The following SORCS2 variants were observed in gnomAD, a reference collection of about 807,000 sequenced individuals.
SORCS2 encodes sortilin related VPS10 domain containing receptor 2.
Under a neutral mutation model 141.6 loss-of-function variants are expected in SORCS2, and 100 were observed. The ratio of observed to expected loss-of-function variants is 0.71; its 90% CI spans 0.60 to 0.83. The LOEUF (loss-of-function observed/expected upper bound fraction) is 0.83, where lower values mean the gene tolerates loss of function less well. Ranked by LOEUF, SORCS2 falls within the 40% of genes least tolerant of loss-of-function variation. The probability of loss-of-function intolerance (pLI) is 0.00; values close to 1 mark genes in which losing one functional copy is unlikely to be tolerated. For missense variants in SORCS2, 1,646 were observed against 1,560.2 expected (o/e 1.05, Z -0.93); for synonymous variants, 789 against 676.9 (o/e 1.17, Z -2.57).
At chr4:7,348,460 C>T (rs1720760600) in intron 1 of SORCS2, among the ~76,000 whole-genome samples, 1 of 152,192 alleles carries the variant, frequency 6.6e-6, no homozygotes, top group African/African-American at 2.4e-5. Flanking sequence ...CATCAGCCTC[C>T]ACTTTATAGA....
At chr4:7,363,338 T>TATC (rs1452369310) in intron 1 of SORCS2, among the ~76,000 whole-genome samples, 1 of 147,772 alleles carries the variant, frequency 6.8e-6, no homozygotes, top group Non-Finnish European at 1.5e-5. Flanking sequence ...CCATCAATAC[T>TATC]ATCACCACCA....
At chr4:7,649,954 A>T (rs1307319385) in intron 4 of SORCS2, among the ~76,000 whole-genome samples, 4 of 152,180 alleles carry the variant, frequency 2.6e-5, no homozygotes, top group African/African-American at 7.2e-5. Flanking sequence ...CCTCAGAGCC[A>T]GCAGATGTGG....
intron 1 of SORCS2, among the ~76,000 whole-genome samples, chr4:7,293,435 T>G (rs958805873): frequency 5.3e-5 from 8 of 152,208 alleles, no homozygotes; most frequent in Non-Finnish European, 1.5e-5. Context: ...TGGCTTTGTA[T>G]AGCAGCCTAC....
intron 14 of SORCS2, among the ~76,000 whole-genome samples, chr4:7,710,611 T>G (rs1211125462): frequency 6.6e-6 from 1 of 152,046 alleles, no homozygotes; most frequent in East Asian, 1.9e-4. Context: ...GTGTGTTGAG[T>G]TGGGGCTCTC....
chr4:7,291,987 G>C (rs1716631564), intron 1 of SORCS2, among the ~76,000 whole-genome samples: 2 of 152,354 alleles, frequency 1.3e-5, no homozygotes, highest in South Asian at 4.1e-4. Flanking sequence ...ATGGTGTAGG[G>C]AGATGGTGCT....
At chr4:7,302,126 C>G (rs979718634) in intron 1 of SORCS2, among the ~76,000 whole-genome samples, 1 of 152,232 alleles carries the variant, frequency 6.6e-6, no homozygotes, top group Non-Finnish European at 1.5e-5. Flanking sequence ...CTCACTAGTT[C>G]TTGTCTCTGG....
chr4:7,576,761 A>G (rs905470085), intron 3 of SORCS2, among the ~76,000 whole-genome samples: 4 of 152,178 alleles, frequency 2.6e-5, no homozygotes, highest in Non-Finnish European at 4.4e-5. Context: ...TCTGTCATAG[A>G]CAGCAAAGGG....
Position 7,715,325 on chromosome 4 carries a change from C to G in SORCS2, c.2252+14C>G, listed in dbSNP as rs138601427. The G allele has an allele frequency of 1.2e-6, 2 of 1,612,820 alleles. No individual in the cohort carries two copies. The highest frequency in any genetic ancestry group is 1.7e-6 in the Non-Finnish European group (2 of 1,179,046). On this transcript the variant is annotated intron_variant, in intron 17 of 26. Transcript: ENST00000507866. ...CAGCAGCCTTGGGTGAGTGTGGGTG[C>G]GGGCCTCTCCCTGCCTAAATCCGGG...
intron 2 of SORCS2, among the ~76,000 whole-genome samples, chr4:7,502,716 T>C (rs542308845): frequency 1.3e-5 from 2 of 152,092 alleles, no homozygotes; most frequent in Non-Finnish European, 2.9e-5. Context: ...AAGGTTCCAA[T>C]CTAAAGCCAG....
At position 7,715,433 on chromosome 4, in the gene SORCS2, G is replaced by C. The variant is rs1372797100; in HGVS notation, c.2252+122G>C. The C allele has an allele frequency of 1.9e-5, 27 of 1,438,038 alleles. No homozygotes were observed. In the East Asian group the frequency reaches 5.6e-4, roughly 30 times the overall value. 89.1% of individuals were successfully genotyped at this position (1,438,038 alleles called of 1,614,324 possible). A position where few individuals can be genotyped will look rare whatever the true frequency, so the allele number is the denominator to read the frequency against. On this transcript the variant is annotated intron_variant, in intron 17 of 26. Transcript: ENST00000507866. ...CAACTCCCAAGTGGAGTCGGGGAAA[G>C]AGAGGTCAAAGTTGAGGATGCCCCA...
intron 2 of SORCS2, among the ~76,000 whole-genome samples, chr4:7,454,040 C>A: frequency 1.2e-5 from 1 of 85,226 alleles, no homozygotes; most frequent in East Asian, 3.8e-4. Context: ...GTGTTGGGGC[C>A]AGGCACTGTG....
At chr4:7,636,286 C>T (rs1720248637) in intron 3 of SORCS2, among the ~76,000 whole-genome samples, 1 of 152,244 alleles carries the variant, frequency 6.6e-6, no homozygotes, top group Admixed American at 6.5e-5. Context: ...TCCGGTACAG[C>T]CACAACTGCT....
intron 20 of SORCS2, among the ~76,000 whole-genome samples, chr4:7,726,211 A>C (rs1459831693): frequency 2.0e-5 from 3 of 152,226 alleles, no homozygotes; most frequent in Admixed American, 2.0e-4. Context: ...ATGGGAGATC[A>C]CATGGGCAGG....
intron 3 of SORCS2, among the ~76,000 whole-genome samples, chr4:7,618,966 C>T (rs966719771): frequency 6.6e-6 from 1 of 152,098 alleles, no homozygotes; most frequent in Non-Finnish European, 1.5e-5. Flanking sequence ...CCCATAGGTC[C>T]TCGGAAGCAC....
At chr4:7,215,734 A>G (rs1406926093) in intron 1 of SORCS2, among the ~76,000 whole-genome samples, 2 of 152,204 alleles carry the variant, frequency 1.3e-5, no homozygotes, top group African/African-American at 2.4e-5. Flanking sequence ...GAGTGCACCA[A>G]TGGACACTCT....
At chr4:7,386,185 A>C (rs1259946081) in intron 1 of SORCS2, among the ~76,000 whole-genome samples, 1 of 142,522 alleles carries the variant, frequency 7.0e-6, no homozygotes, top group Non-Finnish European at 1.5e-5. Context: ...ACGCACACAC[A>C]TGCACACACA....
intron 2 of SORCS2, among the ~76,000 whole-genome samples, chr4:7,496,993 G>A (rs1405925612): frequency 2.6e-5 from 4 of 152,206 alleles, no homozygotes; most frequent in Non-Finnish European, 5.9e-5. Flanking sequence ...AGCTAGGGTG[G>A]GTGCTCTTGC....
At chr4:7,508,682 C>T (rs1206768969) in intron 2 of SORCS2, among the ~76,000 whole-genome samples, 1 of 152,100 alleles carries the variant, frequency 6.6e-6, no homozygotes, top group Non-Finnish European at 1.5e-5. Flanking sequence ...ATTCATTACT[C>T]AAGCTTTTAC....
At chr4:7,376,945 GGCC>G (rs1484185430) in intron 1 of SORCS2, among the ~76,000 whole-genome samples, 1 of 151,360 alleles carries the variant, frequency 6.6e-6, no homozygotes, top group East Asian at 2.0e-4. Context: ...CACAAACCCT[GGCC>G]TGCAGTCACG....
Sources: allele counts gnomAD v4.1 joint callset (sites outside exome capture counted in the v4.1 genomes callset), GRCh38; gene constraint gnomAD v4.1.1; transcripts MANE v1.5; gene names NCBI Gene and HGNC (gene_info 2026-07-23, HGNC 2026-07-21).